The following MMD2 variants were observed in gnomAD, a reference collection of about 807,000 sequenced individuals.
MMD2 encodes monocyte to macrophage differentiation factor 2.
A neutral mutation model predicts 33.5 loss-of-function variants in MMD2; 30 were observed. The observed-to-expected ratio is 0.90, with a 90% CI of 0.67 to 1.22. The LOEUF (loss-of-function observed/expected upper bound fraction) is 1.22. MMD2 is among the 50% of genes most tolerant of loss of function. The pLI is 0.00. For synonymous variants in MMD2, 129 were observed against 123.0 expected, an observed-to-expected ratio of 1.05 and a Z score of -0.32; for missense variants, 364 against 325.4, an observed-to-expected ratio of 1.12 and a Z score of -0.91.
chr7:4,903,358 A>G (rs539733748), downstream of MMD2, among the ~76,000 whole-genome samples: 1 of 151,654 alleles, frequency 6.6e-6, no homozygotes, highest in Admixed American at 6.6e-5. Context: ...GACCAAAGTG[A>G]CTTTAGATCT....
chr7:4,953,411 A>C (rs897336539), intron 1 of MMD2, among the ~76,000 whole-genome samples: 2 of 148,302 alleles, frequency 1.3e-5, no homozygotes, highest in Non-Finnish European at 3.0e-5. Context: ...AATTCTTTAC[A>C]CTGGCAACTA....
chr7:4,919,375 C>T (rs908487530), intron 3 of MMD2, among the ~76,000 whole-genome samples: 4 of 152,076 alleles, frequency 2.6e-5, no homozygotes, highest in African/African-American at 7.2e-5. Flanking sequence ...TGGAGAACAG[C>T]CTGGGCAACA....
In MMD2 at chr7:4,946,198, CACACACGCAT is replaced by C. The variant is rs752334409; in HGVS notation, c.47+12763_47+12772del. On this transcript the variant is annotated intron_variant, in intron 1 of 6. Transcript: ENST00000401401. The surrounding 1 kb of genome is among the most constrained non-coding windows in gnomAD (Gnocchi z 5.0). ...ATGCACACACACGCGCGCACACCCACACACACGCATGCACACACATGCACACATACACGCA... is the reference window on the plus strand; with the variant it reads ...ATGCACACACACGCGCGCACACCCACGCACACACATGCACACATACACGCA... Among the ~76,000 whole-genome samples the C allele has an allele frequency of 7.8e-4, 119 of 151,930 alleles. No individual in the cohort carries two copies. Among genetic ancestry groups the C allele is most frequent in the Non-Finnish European group, 1.3e-3 (85 of 67,880 alleles).
At position 4,933,986 on chromosome 7, in the gene MMD2, A is replaced by G. The variant is rs1424366822; in HGVS notation, c.48-8454T>C. Among the ~76,000 whole-genome samples, 3 of 131,990 alleles carry G rather than the reference A, an allele frequency of 2.3e-5. No homozygotes were observed. In the East Asian group the frequency reaches 6.7e-4, roughly 30 times the overall value. The allele number at this position is 131,990 out of a possible 152,430, so 86.6% of individuals were successfully genotyped here. On this transcript the variant is annotated intron_variant, in intron 1 of 6. Transcript: ENST00000401401. ...AGACAGTCTCCTAGGCTGGAGTGCA[A>G]TGGTGCAATCTCAACTCACTGTAAC...
In MMD2 at chr7:4,946,934, G is replaced by A. The variant is rs1373038224; in HGVS notation, c.47+12037C>T. Among the ~76,000 whole-genome samples the A allele has an allele frequency of 1.3e-5, 2 of 152,172 alleles. No homozygotes were observed. The highest frequency in any genetic ancestry group is 6.6e-5 in the Admixed American group (1 of 15,262). On this transcript the variant is annotated intron_variant, in intron 1 of 6. Transcript: ENST00000401401. This position sits in a 1 kb window ranked among gnomAD's most constrained non-coding sequence, Gnocchi z 5.0. Reference sequence around the variant, plus strand: ...TAAAGAAAAGGAGTTTAGGCTGGGTGTGGTGGCTCATACCTGTAATCCCAG... The same window carrying A: ...TAAAGAAAAGGAGTTTAGGCTGGGTATGGTGGCTCATACCTGTAATCCCAG...
chr7:4,923,873 G>C (rs1187374430), intron 2 of MMD2, among the ~76,000 whole-genome samples: 1 of 152,094 alleles, frequency 6.6e-6, no homozygotes, highest in East Asian at 1.9e-4. Flanking sequence ...GTGTGGGCTG[G>C]GCACGGCGGC....
In MMD2 at chr7:4,906,842, C is replaced by A; in HGVS notation, c.*554G>T. On this transcript the variant is annotated 3_prime_UTR_variant, in exon 7 of 7. Coordinates refer to ENST00000401401, the MANE Select transcript of MMD2 (RefSeq NM_198403.4). Reference sequence around the variant, plus strand: ...ATTGATTGGTACTGGCTGCCCAGAACACTGTGCTGGGAAGAATTCTGACAT... The same window carrying A: ...ATTGATTGGTACTGGCTGCCCAGAAAACTGTGCTGGGAAGAATTCTGACAT... 3.2e-6 allele frequency: 1 copy of A among 307,920 alleles called. No individual in the cohort carries two copies. Among genetic ancestry groups the A allele is most frequent in the Non-Finnish European group, 6.0e-6 (1 of 167,470 alleles). The allele number at this position is 307,920 out of a possible 1,614,324, so 19.1% of individuals were successfully genotyped here.
intron 3 of MMD2, among the ~76,000 whole-genome samples, chr7:4,918,753 G>A (rs1432805063): frequency 3.3e-5 from 5 of 151,822 alleles, no homozygotes; most frequent in Non-Finnish European, 5.9e-5. Context: ...CACCCAAAAT[G>A]CTGGGATTAC....
the MMD2 span, among the ~76,000 whole-genome samples, chr7:4,893,333 G>A: frequency 4.0e-5 from 6 of 151,456 alleles, no homozygotes; most frequent in Non-Finnish European, 7.4e-5. Context: ...ATCACCAAGG[G>A]CTGCTGGTTG....
the MMD2 span, among the ~76,000 whole-genome samples, chr7:4,897,681 G>C: frequency 6.6e-6 from 1 of 152,164 alleles, no homozygotes; most frequent in Non-Finnish European, 1.5e-5. Flanking sequence ...TGGAGGCAGA[G>C]TAGCCCTTCC....
chr7:4,896,444 C>T, the MMD2 span, among the ~76,000 whole-genome samples: 1 of 152,184 alleles, frequency 6.6e-6, no homozygotes, highest in Non-Finnish European at 1.5e-5. Context: ...TGTGCCACTG[C>T]ACTCCAGCCT....
At chr7:4,924,527 G>A (rs2115111044) in intron 2 of MMD2, among the ~76,000 whole-genome samples, 1 of 152,342 alleles carries the variant, frequency 6.6e-6, no homozygotes, top group South Asian at 2.1e-4. Flanking sequence ...CTGCTGCCTT[G>A]AGGGTACCCA....
rs1194640357 is a variant in MMD2, at chr7:4,907,256, G to C, written c.*140C>G. Reference sequence around the variant, plus strand: ...TGGGGACTCGAGGGATGATCTGGCTGTCACCAGAAGTCACCTTGGAGCCAT... The same window carrying C: ...TGGGGACTCGAGGGATGATCTGGCTCTCACCAGAAGTCACCTTGGAGCCAT... On this transcript the variant is annotated 3_prime_UTR_variant, in exon 7 of 7. Transcript: ENST00000401401. 12 of 750,538 alleles carry C rather than the reference G, an allele frequency of 1.6e-5. No individual in the cohort carries two copies. Among genetic ancestry groups the C allele is most frequent in the Non-Finnish European group, 2.5e-5 (11 of 447,158 alleles). The allele number at this position is 750,538 out of a possible 1,614,324, so 46.5% of individuals were successfully genotyped here. A position where few individuals can be genotyped will look rare whatever the true frequency, so the allele number is the denominator to read the frequency against.
chr7:4,939,824 T>C (rs1785854785), intron 1 of MMD2, among the ~76,000 whole-genome samples: 1 of 151,060 alleles, frequency 6.6e-6, no homozygotes, highest in African/African-American at 2.4e-5. Context: ...CACTGCAACC[T>C]CTGCCTTCCA....
the MMD2 span, among the ~76,000 whole-genome samples, chr7:4,897,794 A>G: frequency 1.3e-5 from 2 of 151,880 alleles, no homozygotes; most frequent in South Asian, 2.1e-4. Flanking sequence ...CTGGAGTACA[A>G]TGGTGTGATC....
At chr7:4,958,575 C>A (rs1786452429) in intron 1 of MMD2, among the ~76,000 whole-genome samples, 1 of 152,260 alleles carries the variant, frequency 6.6e-6, no homozygotes, top group East Asian at 1.9e-4. Context: ...ACAAGAGTGC[C>A]CAAGAGAGAC....
chr7:4,922,604 G>A (rs1417114437), intron 2 of MMD2, among the ~76,000 whole-genome samples: 5 of 151,898 alleles, frequency 3.3e-5, no homozygotes, highest in Admixed American at 6.6e-5. Flanking sequence ...AGATGGAATC[G>A]CTCTCTGTTG....
the MMD2 span, among the ~76,000 whole-genome samples, chr7:4,898,675 A>G: frequency 1.3e-5 from 2 of 152,148 alleles, no homozygotes; most frequent in Non-Finnish European, 1.5e-5. Flanking sequence ...CAAGGTGGGC[A>G]GATCACTTGA....
chr7:4,938,002 C>CTTTTTTTTTTTTTTT (rs1165504272), intron 1 of MMD2, among the ~76,000 whole-genome samples: 22 of 45,652 alleles, frequency 4.8e-4, no homozygotes, highest in African/African-American at 1.4e-3. Flanking sequence ...TTCTTTCTTT[C>CTTTTTTTTTTTTTTT]TTTTTTTTTT....
Sources: allele counts gnomAD v4.1 joint callset (sites outside exome capture counted in the v4.1 genomes callset), GRCh38; gene constraint gnomAD v4.1.1; non-coding constraint Gnocchi (gnomAD v3.1); transcripts MANE v1.5; gene names NCBI Gene and HGNC (gene_info 2026-07-23, HGNC 2026-07-21).